The following AGO2 variants were observed in gnomAD, a reference collection of about 807,000 sequenced individuals.
AGO2 encodes protein argonaute-2.
In AGO2, 5 loss-of-function variants were observed where a neutral mutation model predicts 102.3. That is an observed-to-expected ratio of 0.05 (90% CI 0.03 to 0.10). The LOEUF is 0.10. Among genes scored for constraint, AGO2 ranks in the 10% least tolerant of loss-of-function variants. The pLI is 1.00. For missense variants in AGO2, 541 were observed against 1,183.7 expected, an observed-to-expected ratio of 0.46 and a Z score of 7.97; for synonymous variants, 449 against 473.1, an observed-to-expected ratio of 0.95 and a Z score of 0.66.
chr8:140,633,112 G>T (rs968916095), intron 1 of AGO2, among the ~76,000 whole-genome samples: 20 of 152,044 alleles, frequency 1.3e-4, no homozygotes, highest in African/African-American at 4.8e-4. Flanking sequence ...GGGGTTTCAT[G>T]ATGTTGGCCA....
intron 13 of AGO2, among the ~76,000 whole-genome samples, chr8:140,545,426 C>T (rs566227990): frequency 1.3e-5 from 2 of 152,274 alleles, no homozygotes; most frequent in South Asian, 2.1e-4. Flanking sequence ...CTCCCATCTC[C>T]GCTGCTGGTT....
At chr8:140,611,612 G>A (rs1444557959) in intron 1 of AGO2, among the ~76,000 whole-genome samples, 2 of 152,160 alleles carry the variant, frequency 1.3e-5, no homozygotes, top group Admixed American at 1.3e-4. Flanking sequence ...ACAGGCGTGA[G>A]CCACTGTGCC....
chr8:140,629,656 A>G (rs1478848928), intron 1 of AGO2, among the ~76,000 whole-genome samples: 1 of 151,720 alleles, frequency 6.6e-6, no homozygotes, highest in Non-Finnish European at 1.5e-5. Flanking sequence ...CCCGGGCAAC[A>G]CAGGGAAACC....
chr8:140,629,594 C>A (rs1325832428), intron 1 of AGO2, among the ~76,000 whole-genome samples: 1 of 152,058 alleles, frequency 6.6e-6, no homozygotes, highest in Non-Finnish European at 1.5e-5. Context: ...AACCCCAGCA[C>A]TTTGGGAGGC....
chr8:140,642,038 A>G, the AGO2 span, among the ~76,000 whole-genome samples: 4 of 152,172 alleles, frequency 2.6e-5, no homozygotes, highest in Non-Finnish European at 5.9e-5. Context: ...ACCGTCTCAA[A>G]AAGACTAAAA....
intron 1 of AGO2, among the ~76,000 whole-genome samples, chr8:140,587,142 C>A (rs980368450): frequency 1.3e-5 from 2 of 152,190 alleles, no homozygotes; most frequent in Admixed American, 1.3e-4. Flanking sequence ...CCTATTTCTC[C>A]TAAGAAGCCT....
At chr8:140,546,935 C>T (rs1315352157) in intron 13 of AGO2, among the ~76,000 whole-genome samples, 2 of 152,198 alleles carry the variant, frequency 1.3e-5, no homozygotes, top group East Asian at 1.9e-4. Flanking sequence ...CCATCACCCC[C>T]AACCCCCGTC....
intron 1 of AGO2, among the ~76,000 whole-genome samples, chr8:140,614,184 C>T (rs1425843404): frequency 6.6e-5 from 10 of 151,842 alleles, no homozygotes; most frequent in African/African-American, 2.4e-4. Flanking sequence ...ATTAACTGGG[C>T]GTGGCGTGTG....
At chr8:140,599,893 T>G (rs2073907446) in intron 1 of AGO2, among the ~76,000 whole-genome samples, 1 of 152,236 alleles carries the variant, frequency 6.6e-6, no homozygotes, top group South Asian at 2.1e-4. Flanking sequence ...GGCTGATTTT[T>G]GTATTTTTCG....
At chr8:140,537,169 G>A (rs543459114) in intron 16 of AGO2, among the ~76,000 whole-genome samples, 1 of 152,174 alleles carries the variant, frequency 6.6e-6, no homozygotes, top group African/African-American at 2.4e-5. Context: ...TATGGCTTGA[G>A]ACTGAAGTTT....
In AGO2 at chr8:140,524,768, CA is replaced by C; in HGVS notation, c.*7275del. The C allele has an allele frequency of 6.6e-6, 1 of 152,332 alleles. No individual in the cohort carries two copies. The highest frequency in any genetic ancestry group is 1.5e-5 in the Non-Finnish European group (1 of 68,230). The allele number at this position is 152,332 out of a possible 1,614,324, so 9.4% of individuals were successfully genotyped here. On this transcript the variant is annotated 3_prime_UTR_variant, in exon 19 of 19. Transcript: ENST00000220592. ...GACTGCGCACACAACTCCCAGAGTT[CA>C]AAGGAGCCCCGGACCCCTACACGAG... is the stretch of plus-strand genomic sequence containing the variant.
In AGO2 at chr8:140,555,851, G is replaced by A. The variant is rs773258010; in HGVS notation, c.1269+45C>T. ...AGAACCTGAGAGGGGTCGCAGGGCA[G>A]AGACATGCCCCGCAGCCACACGTTC... On this transcript the variant is annotated intron_variant, in intron 10 of 18. Coordinates refer to ENST00000220592, the MANE Select transcript of AGO2 (RefSeq NM_012154.5). 38 of 1,593,014 alleles carry A rather than the reference G, an allele frequency of 2.4e-5. No homozygotes were observed. In the Admixed American group the frequency reaches 5.3e-4, roughly 22 times the overall value.
intron 5 of AGO2, among the ~76,000 whole-genome samples, chr8:140,559,988 C>A (rs1181865889): frequency 6.8e-6 from 1 of 147,680 alleles, no homozygotes; most frequent in African/African-American, 2.6e-5. Flanking sequence ...CCTTCACTCT[C>A]GTCTTTTTCA....
chr8:140,620,421 ATATT>A (rs2074203747), intron 1 of AGO2, among the ~76,000 whole-genome samples: 1 of 152,258 alleles, frequency 6.6e-6, no homozygotes. Context: ...TGGTAAGAGA[ATATT>A]TATGAATGAA....
intron 1 of AGO2, among the ~76,000 whole-genome samples, chr8:140,626,201 C>T (rs985261805): frequency 2.0e-5 from 3 of 152,186 alleles, no homozygotes; most frequent in Admixed American, 1.3e-4. Context: ...CGGGGTCCGG[C>T]GCACCTGGGT....
chr8:140,543,835 G>A (rs978396497), intron 14 of AGO2, among the ~76,000 whole-genome samples: 2 of 152,194 alleles, frequency 1.3e-5, no homozygotes, highest in Non-Finnish European at 1.5e-5. Flanking sequence ...GAAGCAGCAC[G>A]GGCCTGTCTG....
rs552780209 is a variant in AGO2 at position 140,558,637 on chromosome 8, C to T, written c.791-65G>A. The stretch of plus-strand genomic sequence containing the variant: ...CCGACCTGAGTGCAGGCGCCACTTG[C>T]GAGAATCAGTTTTCATAGGAATGTG... On this transcript the variant is annotated intron_variant, in intron 6 of 18. Transcript: ENST00000220592. 27 of 1,524,620 alleles carry T rather than the reference C, an allele frequency of 1.8e-5. No individual in the cohort carries two copies. In the African/African-American group the frequency reaches 2.9e-4, roughly 16 times the overall value. 94.4% of individuals were successfully genotyped at this position (1,524,620 alleles called of 1,614,324 possible).
intron 1 of AGO2, among the ~76,000 whole-genome samples, chr8:140,606,111 T>C (rs1421091419): frequency 6.6e-6 from 1 of 152,172 alleles, no homozygotes; most frequent in Non-Finnish European, 1.5e-5. Context: ...CTACTATAAG[T>C]AAGGTAAGAT....
At position 140,556,021 on chromosome 8, in the gene AGO2, G is replaced by A. The variant is rs561344661; in HGVS notation, c.1147-3C>T. On this transcript the variant is annotated splice_polypyrimidine_tract_variant and splice_region_variant and intron_variant, in intron 9 of 18. Transcript: ENST00000220592. ...GTGTTGAAACTTGCACTTCGCATCT[G>A]GCAAAGGGAAACAAGAAAACGCACG... 6.2e-7 allele frequency: 1 copy of A among 1,614,130 alleles called. No individual in the cohort carries two copies. The highest frequency in any genetic ancestry group is 1.1e-5 in the South Asian group (1 of 91,072).
Sources: allele counts gnomAD v4.1 joint callset (sites outside exome capture counted in the v4.1 genomes callset), GRCh38; gene constraint gnomAD v4.1.1; transcripts MANE v1.5; gene names NCBI Gene and HGNC (gene_info 2026-07-23, HGNC 2026-07-21).